The following DOLPP1 variants were observed in gnomAD, a reference collection of about 807,000 sequenced individuals.
The protein encoded by DOLPP1 is dolichyl pyrophosphate phosphatase 1.
DOLPP1 carries 15 observed loss-of-function variants against 34.1 expected under a neutral mutation model. The ratio of observed to expected loss-of-function variants is 0.44; its 90% CI spans 0.29 to 0.68. DOLPP1 has a LOEUF of 0.68. Ranked by LOEUF, DOLPP1 falls within the 30% of genes least tolerant of loss-of-function variation. The probability of loss-of-function intolerance (pLI) is 0.12; values close to 1 mark genes in which losing one functional copy is unlikely to be tolerated. For missense variants in DOLPP1, 249 were observed against 307.1 expected, an observed-to-expected ratio of 0.81 and a Z score of 1.41; for synonymous variants, 130 against 128.2, an observed-to-expected ratio of 1.01 and a Z score of -0.10.
intron 7 of DOLPP1, among the ~76,000 whole-genome samples, chr9:129,087,549 T>G (rs1847015022): frequency 6.6e-6 from 1 of 152,152 alleles, no homozygotes; most frequent in East Asian, 1.9e-4. Context: ...ATCTCCTGAC[T>G]TTGTGATCCA....
At chr9:129,084,618 C>G in intron 1 of DOLPP1, 50 bp from the exon 2 acceptor site, 1 of 1,342,006 alleles carries the variant, frequency 7.5e-7, no homozygotes, top group Non-Finnish European at 1.1e-6. Flanking sequence ...GCTGGTCCCT[C>G]TTCTGATGCC....
At chr9:129,086,069 T>G in intron 5 of DOLPP1, 70 bp from the exon 6 acceptor site, 1 of 1,503,012 alleles carries the variant, frequency 6.7e-7, no homozygotes, top group Non-Finnish European at 9.1e-7. Context: ...AGCTGGCACA[T>G]GGGCAGTGGG....
At position 129,086,241 on chromosome 9, in the gene DOLPP1, C is replaced by G. The variant is rs1257799830; in HGVS notation, c.564C>G (p.Thr188=). 1.2e-6 allele frequency: 2 copies of G among 1,613,318 alleles called. No individual in the cohort carries two copies. Among genetic ancestry groups the G allele is most frequent in the African/African-American group, 2.7e-5 (2 of 74,924 alleles). The change falls in exon 6 of 8, where the codon ACC becomes ACG. Residue 188 remains threonine, a synonymous_variant. Coordinates refer to ENST00000372546, the MANE Select transcript of DOLPP1 (RefSeq NM_020438.5). The part of the protein sequence containing the change: ...AWFIFTQEVL[T]PLFPRIAAWP... The stretch of plus-strand genomic sequence containing the variant: ...TCATCTTCACCCAGGAGGTCCTCAC[C>G]CCGCTGTTCCCCAGGATAGCAGCCT...
chr9:129,084,656 C>G lies in DOLPP1; in HGVS notation c.77-12C>G. ...TGCCCTGTCCTCCTGATTCTGTTCT[C>G]TGTCTTGCCAGGTGATCTCTCTGGC... On this transcript the variant is annotated splice_polypyrimidine_tract_variant and intron_variant, in intron 1 of 7. Transcript: ENST00000372546. The G allele has an allele frequency of 6.4e-7, 1 of 1,571,706 alleles. No individual in the cohort carries two copies. The highest frequency in any genetic ancestry group is 8.8e-7 in the Non-Finnish European group (1 of 1,140,756).
At chr9:129,088,844 C>T in intron 7 of DOLPP1, 127 bp from the exon 8 acceptor site, 1 of 893,066 alleles carries the variant, frequency 1.1e-6, no homozygotes, top group East Asian at 2.6e-5. Context: ...TGGCCCAGTT[C>T]AGGTCAATCG....
rs935872739 is a variant in DOLPP1, at chr9:129,089,285, C to A, written c.*278C>A. The A allele has an allele frequency of 5.1e-6, 2 of 393,330 alleles. No individual in the cohort carries two copies. The highest frequency in any genetic ancestry group is 4.7e-6 in the Non-Finnish European group (1 of 212,754). The allele number at this position is 393,330 out of a possible 1,614,324, so 24.4% of individuals were successfully genotyped here. ...CTGGCTGGGCAGAAAGTGCCCTCGGCATGGGCACCTGGGTGTGGGGTGGAG... is the reference window on the plus strand; with the variant it reads ...CTGGCTGGGCAGAAAGTGCCCTCGGAATGGGCACCTGGGTGTGGGGTGGAG... On this transcript the variant is annotated 3_prime_UTR_variant, in exon 8 of 8. Transcript: ENST00000372546. The surrounding 1 kb of genome is among the most constrained non-coding windows in gnomAD (Gnocchi z 4.9).
Position 129,089,078 on chromosome 9 carries a change from A to C in DOLPP1, c.*71A>C. Reference sequence around the variant, plus strand: ...TGCCTTGCAGGATGGACAGGATGACAGACAGGGACGAAGCAGAGACCTCTA... The same window carrying C: ...TGCCTTGCAGGATGGACAGGATGACCGACAGGGACGAAGCAGAGACCTCTA... On this transcript the variant is annotated 3_prime_UTR_variant, in exon 8 of 8. Coordinates refer to ENST00000372546, the MANE Select transcript of DOLPP1 (RefSeq NM_020438.5). This position sits in a 1 kb window ranked among gnomAD's most constrained non-coding sequence, Gnocchi z 4.9. The C allele has an allele frequency of 6.5e-7, 1 of 1,534,492 alleles. No individual in the cohort carries two copies. Among genetic ancestry groups the C allele is most frequent in the South Asian group, 1.1e-5 (1 of 89,326 alleles).
intron 1 of DOLPP1, among the ~76,000 whole-genome samples, chr9:129,082,372 C>T (rs950820472): frequency 6.6e-6 from 1 of 152,234 alleles, no homozygotes; most frequent in Non-Finnish European, 1.5e-5. Context: ...CAGTCAATAT[C>T]CACTGAACAC....
intron 1 of DOLPP1, 37 bp downstream of exon 1, chr9:129,081,244 G>C (rs1846880525): frequency 6.2e-7 from 1 of 1,603,418 alleles, no homozygotes; most frequent in African/African-American, 1.3e-5. Flanking sequence ...CGCCTTCCCA[G>C]GGACGGCCTC....
At position 129,085,490 on chromosome 9, in the gene DOLPP1, A is replaced by C; in HGVS notation, c.363-28A>C. ...GAGGCCTGGGCTGGGCTGTGGGCTG[A>C]GGTCATCTGGTGGGCCTGTTTTCGC... On this transcript the variant is annotated intron_variant, in intron 4 of 7. Transcript: ENST00000372546. This position sits in a 1 kb window ranked among gnomAD's most constrained non-coding sequence, Gnocchi z 7.0. The C allele has an allele frequency of 6.2e-7, 1 of 1,607,990 alleles. No individual in the cohort carries two copies. Among genetic ancestry groups the C allele is most frequent in the South Asian group, 1.1e-5 (1 of 90,592 alleles).
In DOLPP1 at chr9:129,086,134, C is replaced by T. The variant is rs778581581; in HGVS notation, c.462-5C>T. On this transcript the variant is annotated splice_region_variant and splice_polypyrimidine_tract_variant and intron_variant, in intron 5 of 7. Coordinates refer to ENST00000372546, the MANE Select transcript of DOLPP1 (RefSeq NM_020438.5). ...TCACATACTTCGCTTCTGGCCTTGG[C>T]CCAGGGTCTACCTGCTGTACCACAC... The T allele has an allele frequency of 6.2e-7, 1 of 1,612,720 alleles. No homozygotes were observed. Among genetic ancestry groups the T allele is most frequent in the Admixed American group, 1.7e-5 (1 of 60,000 alleles).
In DOLPP1 at chr9:129,085,311, G is replaced by A; in HGVS notation, c.362+5G>A. The A allele has an allele frequency of 6.2e-7, 1 of 1,612,820 alleles. No individual in the cohort carries two copies. The highest frequency in any genetic ancestry group is 8.5e-7 in the Non-Finnish European group (1 of 1,178,922). ...CTTCCTTTTCCTGTATTTAAGGTGA[G>A]TTTCCACCCCGGTCAGGATGGCCCT... On this transcript the variant is annotated splice_donor_5th_base_variant and intron_variant, in intron 4 of 7. Coordinates refer to ENST00000372546, the MANE Select transcript of DOLPP1 (RefSeq NM_020438.5). The surrounding 1 kb of genome is among the most constrained non-coding windows in gnomAD (Gnocchi z 7.0).
At chr9:129,084,638 T>A in intron 1 of DOLPP1, 30 bp from the exon 2 acceptor site, 1 of 1,472,944 alleles carries the variant, frequency 6.8e-7, no homozygotes, top group South Asian at 1.1e-5. Flanking sequence ...CTGTGCCCTG[T>A]CCTCCTGATT....
In DOLPP1 at chr9:129,086,199, C is replaced by T; in HGVS notation, c.522C>T (p.Leu174=). 1 of 1,613,628 alleles carries T rather than the reference C, an allele frequency of 6.2e-7. No individual in the cohort carries two copies. Among genetic ancestry groups the T allele is most frequent in the South Asian group, 1.1e-5 (1 of 91,080 alleles). ...QVLYGGIAGG[L]MAIAWFIFTQ... ...TCTATGGAGGCATCGCTGGAGGCCT[C>T]ATGGCCATCGCCTGGTTCATCTTCA... The change falls in exon 6 of 8, where the codon CTC becomes CTT. Residue 174 remains leucine (L), a synonymous_variant. Coordinates refer to ENST00000372546, the MANE Select transcript of DOLPP1 (RefSeq NM_020438.5).
At chr9:129,081,353 G>GCGCGCGCGC (rs1252210778) in intron 1 of DOLPP1, 146 bp downstream of exon 1, 6 of 1,055,554 alleles carry the variant, frequency 5.7e-6, no homozygotes, top group Middle Eastern at 3.2e-4. Flanking sequence ...GGCTCGGCCG[G>GCGCGCGCGC]CGCGCGCGCC....
Position 129,085,453 on chromosome 9 carries a change from G to C in DOLPP1, c.363-65G>C. ...CCCAGGGAGCATTTGGATGGGGCCA[G>C]GGACTGTTTGGGAGGCCTGGGCTGG... On this transcript the variant is annotated intron_variant, in intron 4 of 7. Transcript: ENST00000372546. This position sits in a 1 kb window ranked among gnomAD's most constrained non-coding sequence, Gnocchi z 7.0. 6.4e-7 allele frequency: 1 copy of C among 1,563,274 alleles called. No homozygotes were observed. The highest frequency in any genetic ancestry group is 8.8e-7 in the Non-Finnish European group (1 of 1,137,202).
chr9:129,086,943 C>A, intron 7 of DOLPP1, 145 bp downstream of exon 7: 2 of 673,220 alleles, frequency 3.0e-6, no homozygotes, highest in Admixed American at 2.6e-5. Flanking sequence ...CCCCATTTTG[C>A]AGATGATGAA....
chr9:129,086,193 A>C lies in DOLPP1; in HGVS notation c.516A>C (p.Gly172=). 6.2e-7 allele frequency: 1 copy of C among 1,613,576 alleles called. No homozygotes were observed. The highest frequency in any genetic ancestry group is 8.5e-7 in the Non-Finnish European group (1 of 1,179,914). Reference sequence around the variant, plus strand: ...AGGTGCTCTATGGAGGCATCGCTGGAGGCCTCATGGCCATCGCCTGGTTCA... The same window carrying C: ...AGGTGCTCTATGGAGGCATCGCTGGCGGCCTCATGGCCATCGCCTGGTTCA... ...WSQVLYGGIA[G]GLMAIAWFIF... The change falls in exon 6 of 8, where the codon GGA becomes GGC. Residue 172 remains glycine (G), a synonymous_variant. Transcript: ENST00000372546.
chr9:129,084,238 A>G (rs1477540234), intron 1 of DOLPP1, among the ~76,000 whole-genome samples: 1 of 152,148 alleles, frequency 6.6e-6, no homozygotes, highest in Non-Finnish European at 1.5e-5. Flanking sequence ...CCCAGGTCCC[A>G]GGCTCCACCT....
Sources: allele counts gnomAD v4.1 joint callset (sites outside exome capture counted in the v4.1 genomes callset), GRCh38; gene constraint gnomAD v4.1.1; non-coding constraint Gnocchi (gnomAD v3.1); transcripts MANE v1.5; gene names NCBI Gene and HGNC (gene_info 2026-07-23, HGNC 2026-07-21).